Variants in PARVB observed in about 807,000 individuals in gnomAD.
PARVB encodes the protein beta-parvin.
PARVB carries 46 observed loss-of-function variants against 47.0 expected under a neutral mutation model. The ratio of observed to expected loss-of-function variants is 0.98; its 90% CI spans 0.77 to 1.25. The LOEUF (loss-of-function observed/expected upper bound fraction) is 1.25. Among genes scored for constraint, PARVB ranks in the 50% most tolerant of loss-of-function variants. The pLI, the probability that PARVB is intolerant of heterozygous loss-of-function variation, is 0.00. For missense variants in PARVB, 473 were observed against 471.6 expected (o/e 1.00, Z -0.03); for synonymous variants, 196 against 196.3 (o/e 1.00, Z 0.01).
chr22:44,053,692 G>C (rs1471358594), intron 1 of PARVB, among the ~76,000 whole-genome samples: 1 of 152,206 alleles, frequency 6.6e-6, no homozygotes, highest in Non-Finnish European at 1.5e-5. Context: ...AGTCTCCCAA[G>C]ACTCTGAACA....
chr22:44,039,858 A>G (rs1223304272), intron 1 of PARVB: 7 of 455,680 alleles, frequency 1.5e-5, no homozygotes, highest in South Asian at 1.1e-4. Context: ...TCTGATGCCC[A>G]GGCTGAAGTG....
At chr22:44,108,542 G>A (rs1341196462) in intron 3 of PARVB, 1 of 152,374 alleles carries the variant, frequency 6.6e-6, no homozygotes, top group African/African-American at 2.4e-5. Context: ...TATTTCACCT[G>A]GGTGCAGGCG....
At chr22:44,156,238 A>G (rs1463799160) in intron 10 of PARVB, among the ~76,000 whole-genome samples, 1 of 149,760 alleles carries the variant, frequency 6.7e-6, no homozygotes, top group Non-Finnish European at 1.5e-5. Flanking sequence ...GCTAAAGGTC[A>G]GGGCTTCTGA....
chr22:44,009,553 T>A (rs896793697), intron 2 of PARVB: 1 of 151,638 alleles, frequency 6.6e-6, no homozygotes, highest in African/African-American at 2.4e-5. Context: ...CCATAAAGGT[T>A]TATATATATA....
At chr22:44,122,516 G>C (rs934868040) in intron 4 of PARVB, among the ~76,000 whole-genome samples, 1 of 85,770 alleles carries the variant, frequency 1.2e-5, no homozygotes, top group African/African-American at 7.8e-5. Context: ...GAGAGAGAGA[G>C]AGACAGAGAG....
chr22:44,131,717 T>C, intron 5 of PARVB, 90 bp downstream of exon 5: 2 of 1,388,290 alleles, frequency 1.4e-6, no homozygotes, highest in Non-Finnish European at 1.9e-6. Flanking sequence ...ACATTCATCA[T>C]CATCCCATCT....
At position 44,172,846 on chromosome 22, in the gene PARVB, G is replaced by A. The variant is rs1449616604; in HGVS notation, c.*4168G>A. 2.7e-5 allele frequency: 19 copies of A among 709,338 alleles called. No homozygotes were observed. The highest frequency in any genetic ancestry group is 3.6e-5 in the Non-Finnish European group (18 of 497,196). The allele number at this position is 709,338 out of a possible 1,614,324, so 43.9% of individuals were successfully genotyped here. A position where few individuals can be genotyped will look rare whatever the true frequency, so the allele number is the denominator to read the frequency against. On this transcript the variant is annotated 3_prime_UTR_variant, in exon 13 of 13. Coordinates refer to ENST00000338758, the MANE Select transcript of PARVB (RefSeq NM_013327.5). ...CTTTTCAGGAGCTCACTGCAACACC[G>A]GGCAAACACTTCTTCCGCCAGGGAT...
At chr22:44,032,313 C>T (rs2146895862) in intron 1 of PARVB, among the ~76,000 whole-genome samples, 1 of 152,268 alleles carries the variant, frequency 6.6e-6, no homozygotes. Flanking sequence ...CATGATCAGC[C>T]CTGGGAAACC....
rs1250244998 is a variant in PARVB, at chr22:44,093,843, A to G, written c.113-85A>G. ...TAAATGCTGAAAAAAACAGGAATTG[A>G]TTTCTCTCTGCGTCCACAGCCAACA... is the stretch of plus-strand genomic sequence containing the variant. On this transcript the variant is annotated intron_variant, in intron 1 of 12. Transcript: ENST00000338758. 4 of 778,224 alleles carry G rather than the reference A, an allele frequency of 5.1e-6. No homozygotes were observed. In the African/African-American group the frequency reaches 7.0e-5, roughly 14 times the overall value. 48.2% of individuals were successfully genotyped at this position (778,224 alleles called of 1,614,324 possible).
chr22:44,165,328 C>T (rs1031000287), intron 12 of PARVB, among the ~76,000 whole-genome samples: 1 of 152,170 alleles, frequency 6.6e-6, no homozygotes, highest in African/African-American at 2.4e-5. Context: ...CTCAAGGGAG[C>T]AGGGCTTTGT....
chr22:44,077,884 G>A (rs1410285260), intron 1 of PARVB, among the ~76,000 whole-genome samples: 1 of 152,076 alleles, frequency 6.6e-6, no homozygotes, highest in African/African-American at 2.4e-5. Flanking sequence ...TTTTAGTTGA[G>A]ACGGGTTTTC....
chr22:44,115,430 C>A (rs1045035121), intron 3 of PARVB: 1 of 121,762 alleles, frequency 8.2e-6, no homozygotes, highest in Non-Finnish European at 1.7e-5. Context: ...AGGCCCTGCA[C>A]CAACACAGAT....
At chr22:44,059,922 G>A (rs962548954) in intron 1 of PARVB, among the ~76,000 whole-genome samples, 5 of 152,098 alleles carry the variant, frequency 3.3e-5, no homozygotes, top group African/African-American at 4.8e-5. Flanking sequence ...TCTCTACCAC[G>A]ATGCTTTCTC....
chr22:44,107,558 G>C (rs1049853640), intron 3 of PARVB: 1 of 152,200 alleles, frequency 6.6e-6, no homozygotes, highest in Non-Finnish European at 1.5e-5. Flanking sequence ...GACTCAGGGT[G>C]GGGGCTGGCC....
intron 4 of PARVB, among the ~76,000 whole-genome samples, chr22:44,123,653 A>G (rs952567372): frequency 1.3e-5 from 2 of 152,140 alleles, no homozygotes; most frequent in Non-Finnish European, 2.9e-5. Flanking sequence ...GGGCTCAAGC[A>G]ATCCACCCAC....
At chr22:44,140,082 G>A (rs1324326028) in intron 7 of PARVB, 42 bp from the exon 8 acceptor site, 1 of 690,490 alleles carries the variant, frequency 1.4e-6, no homozygotes, top group South Asian at 2.2e-5. Context: ...ACTGTGTTCT[G>A]AGTGACCCAT....
At position 44,122,530 on chromosome 22, in the gene PARVB, G is replaced by C. The variant is rs1044764463; in HGVS notation, c.376+3390G>C. Among the ~76,000 whole-genome samples, 118 of 80,156 alleles carry C rather than the reference G, an allele frequency of 1.5e-3. 1 individual carries two copies. Among genetic ancestry groups the C allele is most frequent in the South Asian group, 4.0e-3 (10 of 2,474 alleles). 52.6% of individuals were successfully genotyped at this position (80,156 alleles called of 152,430 possible). On this transcript the variant is annotated intron_variant, in intron 4 of 12. Transcript: ENST00000338758. ...AGAGAGAGAGAGAGACAGAGAGACAGAGAGAGAGAGAGAGAGAGAGAGACA... is the reference window on the plus strand; with the variant it reads ...AGAGAGAGAGAGAGACAGAGAGACACAGAGAGAGAGAGAGAGAGAGAGACA...
chr22:44,056,008 C>T (rs1211347686), intron 1 of PARVB, among the ~76,000 whole-genome samples: 2 of 152,248 alleles, frequency 1.3e-5, no homozygotes, highest in Non-Finnish European at 2.9e-5. Flanking sequence ...CCGCTCCCCA[C>T]CCAGTCCAGG....
chr22:44,024,273 G>C (rs1303600483), upstream of PARVB: 1 of 902,578 alleles, frequency 1.1e-6, no homozygotes, highest in East Asian at 1.2e-4. Flanking sequence ...CGCGCCCTCG[G>C]CCTCTCCCCG....
Sources: gnomAD v4.1 joint callset for allele counts (sites outside exome capture counted in the v4.1 genomes callset) on GRCh38, gnomAD v4.1.1 for gene constraint, MANE v1.5 for transcripts, NCBI Gene and HGNC (gene_info 2026-07-23, HGNC 2026-07-21) for gene names.